The following CDH18 variants were observed in gnomAD, a reference collection of about 807,000 sequenced individuals.
The protein encoded by CDH18 is cadherin 18, also known as cadherin-18.
Under a neutral mutation model 67.9 loss-of-function variants are expected in CDH18, and 31 were observed. The ratio of observed to expected loss-of-function variants is 0.46; its 90% CI spans 0.34 to 0.62. CDH18 has a LOEUF of 0.62. CDH18 is among the 20% of genes least tolerant of loss of function. CDH18 has a pLI of 0.01. For synonymous variants in CDH18, 362 were observed against 347.2 expected (o/e 1.04, Z -0.48); for missense variants, 890 against 975.5 (o/e 0.91, Z 1.17).
intron 2 of CDH18, among the ~76,000 whole-genome samples, chr5:19,868,521 T>C (rs530163812): frequency 6.6e-6 from 1 of 152,314 alleles, no homozygotes; most frequent in South Asian, 2.1e-4. Context: ...GTCACCTATG[T>C]ATAGTGCATT....
At chr5:19,637,337 T>C (rs1269457478) in intron 5 of CDH18, among the ~76,000 whole-genome samples, 2 of 152,120 alleles carry the variant, frequency 1.3e-5, no homozygotes, top group Non-Finnish European at 2.9e-5. Context: ...TGTTTAGAAT[T>C]GGACACTCTA....
At chr5:20,186,760 T>G (rs1277925758) in intron 2 of CDH18, among the ~76,000 whole-genome samples, 2 of 151,906 alleles carry the variant, frequency 1.3e-5, no homozygotes, top group African/African-American at 4.8e-5. Context: ...TAAAAAAATG[T>G]AGAATTATCT....
intron 2 of CDH18, among the ~76,000 whole-genome samples, chr5:20,001,770 G>A (rs1736460171): frequency 6.6e-6 from 1 of 152,156 alleles, no homozygotes; most frequent in African/African-American, 2.4e-5. Context: ...AGGTAATTGA[G>A]AATTACACCA....
intron 5 of CDH18, among the ~76,000 whole-genome samples, chr5:19,719,550 G>A (rs1765745290): frequency 6.6e-6 from 1 of 151,806 alleles, no homozygotes; most frequent in African/African-American, 2.4e-5. Context: ...GAATAATAAT[G>A]TGTAATCATA....
chr5:19,724,006 A>C (rs2150590935), intron 4 of CDH18, among the ~76,000 whole-genome samples: 1 of 152,242 alleles, frequency 6.6e-6, no homozygotes, highest in Non-Finnish European at 1.5e-5. Flanking sequence ...CACCGCGCCC[A>C]GCCATAGCAT....
intron 2 of CDH18, among the ~76,000 whole-genome samples, chr5:20,055,251 A>G (rs1475828807): frequency 6.6e-6 from 1 of 152,222 alleles, no homozygotes; most frequent in Non-Finnish European, 1.5e-5. Flanking sequence ...GATCAGTTCA[A>G]GGCTATTGAC....
chr5:20,388,731 C>T (rs1744544578), intron 1 of CDH18, among the ~76,000 whole-genome samples: 1 of 152,164 alleles, frequency 6.6e-6, no homozygotes, highest in East Asian at 1.9e-4. Flanking sequence ...CCTGTACACA[C>T]TGATTTGAAT....
intron 1 of CDH18, among the ~76,000 whole-genome samples, chr5:20,510,502 C>T (rs895300349): frequency 4.6e-5 from 7 of 151,938 alleles, no homozygotes; most frequent in African/African-American, 9.7e-5. Context: ...ATTATCTAAT[C>T]GTTTTAAAGA....
intron 1 of CDH18, among the ~76,000 whole-genome samples, chr5:20,272,844 A>C (rs1745537343): frequency 6.6e-6 from 1 of 152,082 alleles, no homozygotes; most frequent in Non-Finnish European, 1.5e-5. Context: ...GGAAATCATG[A>C]ATGACCACTA....
intron 9 of CDH18, among the ~76,000 whole-genome samples, chr5:19,523,541 G>GAA (rs33919092): frequency 0.55 from 82,981 of 151,278 alleles, 23,575 homozygotes; most frequent in African/African-American, 0.7. Flanking sequence ...ACAGTTAATA[G>GAA]GAGATAATAT....
Position 19,839,093 on chromosome 5 carries a change from C to T in CDH18, c.-107G>A. The T allele has an allele frequency of 1.2e-6, 1 of 803,012 alleles. No homozygotes were observed. Among genetic ancestry groups the T allele is most frequent in the East Asian group, 2.6e-5 (1 of 38,350 alleles). 49.7% of individuals were successfully genotyped at this position (803,012 alleles called of 1,614,324 possible). A position where few individuals can be genotyped will look rare whatever the true frequency, so the allele number is the denominator to read the frequency against. ...CAGAGCATCTTTAGGAAGGACAGTC[C>T]AAAGTAAATTGTTTAGCGTGTCCAT... On this transcript the variant is annotated 5_prime_UTR_variant, in exon 3 of 13. It introduces an in-frame stop codon into an upstream open reading frame of the 5' UTR. Coordinates refer to ENST00000382275, the MANE Select transcript of CDH18 (RefSeq NM_004934.5).
chr5:19,700,700 C>A (rs1014381703), intron 5 of CDH18, among the ~76,000 whole-genome samples: 2 of 152,100 alleles, frequency 1.3e-5, no homozygotes, highest in African/African-American at 4.8e-5. Context: ...CAAATCCATA[C>A]TGCCAATCAA....
intron 2 of CDH18, among the ~76,000 whole-genome samples, chr5:19,945,063 G>C (rs1795168075): frequency 6.6e-6 from 1 of 152,140 alleles, no homozygotes; most frequent in South Asian, 2.1e-4. Context: ...ATTCATGGTG[G>C]TGGTAAGGCT....
At chr5:19,597,446 A>G (rs1283131855) in intron 6 of CDH18, among the ~76,000 whole-genome samples, 1 of 152,214 alleles carries the variant, frequency 6.6e-6, no homozygotes, top group African/African-American at 2.4e-5. Context: ...TGCTAATTCA[A>G]ATGCATTCTT....
At chr5:19,753,057 G>C (rs1771067763) in intron 3 of CDH18, among the ~76,000 whole-genome samples, 1 of 152,110 alleles carries the variant, frequency 6.6e-6, no homozygotes, top group Non-Finnish European at 1.5e-5. Context: ...CCTTCCCTCT[G>C]ACATAACCTA....
At chr5:19,662,683 T>C (rs1757349168) in intron 5 of CDH18, among the ~76,000 whole-genome samples, 1 of 152,054 alleles carries the variant, frequency 6.6e-6, no homozygotes. Context: ...TCTGGCCTAT[T>C]TTTCTGTATC....
intron 2 of CDH18, among the ~76,000 whole-genome samples, chr5:19,909,926 C>T (rs183582842): frequency 4.5e-4 from 68 of 152,112 alleles, no homozygotes; most frequent in African/African-American, 1.5e-3. Flanking sequence ...ACTACATATG[C>T]GTTGAATTGT....
intron 3 of CDH18, among the ~76,000 whole-genome samples, chr5:19,826,012 G>T (rs780451334): frequency 3.9e-5 from 6 of 152,080 alleles, no homozygotes; most frequent in Non-Finnish European, 8.8e-5. Context: ...GGAGATAAAA[G>T]ATGAAATGGC....
chr5:19,563,334 A>G (rs1739785714), intron 8 of CDH18, among the ~76,000 whole-genome samples: 1 of 152,206 alleles, frequency 6.6e-6, no homozygotes, highest in African/African-American at 2.4e-5. Context: ...TTCTTCATCT[A>G]TAGAATGGAA....
Sources: gnomAD v4.1 joint callset for allele counts (sites outside exome capture counted in the v4.1 genomes callset) on GRCh38, gnomAD v4.1.1 for gene constraint, MANE v1.5 for transcripts, NCBI Gene and HGNC (gene_info 2026-07-23, HGNC 2026-07-21) for gene names.